Variants in PRRX1 observed in about 807,000 individuals in gnomAD.
PRRX1 encodes paired related homeobox 1, also known as paired mesoderm homeobox protein 1.
PRRX1 carries 8 observed loss-of-function variants against 24.0 expected under a neutral mutation model. The observed-to-expected ratio is 0.33, with a 90% CI of 0.20 to 0.60. PRRX1 has a LOEUF of 0.60. PRRX1 is among the 20% of genes least tolerant of loss of function. The pLI is 0.82. For synonymous variants in PRRX1, 160 were observed against 131.7 expected (o/e 1.22, Z -1.47); for missense variants, 281 against 322.4 (o/e 0.87, Z 0.98).
At chr1:170,686,374 G>C (rs192618936) in intron 1 of PRRX1, among the ~76,000 whole-genome samples, 104 of 152,236 alleles carry the variant, frequency 6.8e-4, no homozygotes, top group East Asian at 3.9e-4. Flanking sequence ...TGGGGCGTAG[G>C]GGAAGCAGAA....
Position 170,731,418 on chromosome 1 carries a change from T to A in PRRX1, c.600-4630T>A, listed in dbSNP as rs541246862. On this transcript the variant is annotated intron_variant, in intron 3 of 3. Transcript: ENST00000239461. ...AAATTGTAAACATCTTGTCATCATT[T>A]GTTCAAAGGGCCAAATAGAAAACAA... Among the ~76,000 whole-genome samples the A allele has an allele frequency of 2.6e-4, 40 of 152,290 alleles. No homozygotes were observed. In the South Asian group the frequency reaches 8.1e-3, roughly 31 times the overall value.
Position 170,727,502 on chromosome 1 carries a change from A to G in PRRX1, c.599+1101A>G, listed in dbSNP as rs557378019. ...TGGTTTAAGGAGAGGTTTTAAATGAAATATAGGAGATTATGTCTCAGATGA... is the reference window on the plus strand; with the variant it reads ...TGGTTTAAGGAGAGGTTTTAAATGAGATATAGGAGATTATGTCTCAGATGA... On this transcript the variant is annotated intron_variant, in intron 3 of 3. Transcript: ENST00000239461. 9.8e-5 allele frequency: 15 copies of G among 152,336 alleles called. No homozygotes were observed. In the East Asian group the frequency reaches 2.9e-3, roughly 29 times the overall value. 9.4% of individuals were successfully genotyped at this position (152,336 alleles called of 1,614,324 possible).
chr1:170,715,169 G>A (rs2101914078), intron 1 of PRRX1, among the ~76,000 whole-genome samples: 1 of 152,072 alleles, frequency 6.6e-6, no homozygotes, highest in East Asian at 1.9e-4. Flanking sequence ...TCCTCTGTGG[G>A]TAAAACTATC....
intron 1 of PRRX1, among the ~76,000 whole-genome samples, chr1:170,706,975 G>T (rs1266440314): frequency 6.6e-6 from 1 of 151,496 alleles, no homozygotes; most frequent in Non-Finnish European, 1.5e-5. Flanking sequence ...GCAAAAAAAA[G>T]ACTGCTGGGC....
At chr1:170,681,896 T>A (rs1390886166) in intron 1 of PRRX1, among the ~76,000 whole-genome samples, 1 of 152,244 alleles carries the variant, frequency 6.6e-6, no homozygotes, top group Non-Finnish European at 1.5e-5. Flanking sequence ...GATTATGTTC[T>A]CTGTTGCTAT....
chr1:170,722,611 AG>A (rs1478213243), intron 2 of PRRX1: 2 of 152,196 alleles, frequency 1.3e-5, no homozygotes, highest in African/African-American at 4.8e-5. Flanking sequence ...CTGGGGGAAA[AG>A]GGAGAGAATT....
intron 2 of PRRX1, among the ~76,000 whole-genome samples, chr1:170,723,774 G>C (rs1374140906): frequency 6.6e-6 from 1 of 152,174 alleles, no homozygotes; most frequent in Non-Finnish European, 1.5e-5. Context: ...TGCACACCTA[G>C]GCTATAGGGT....
At chr1:170,711,757 A>G (rs998639875) in intron 1 of PRRX1, among the ~76,000 whole-genome samples, 10 of 152,222 alleles carry the variant, frequency 6.6e-5, no homozygotes, top group Admixed American at 5.9e-4. Flanking sequence ...GATATGCCTC[A>G]TCCTCAGCTC....
rs1558050433 is a variant in PRRX1 at position 170,691,500 on chromosome 1, C to CCTTTCCTTTCCTT, written c.241+27043_241+27055dup. On this transcript the variant is annotated intron_variant, in intron 1 of 3. Transcript: ENST00000239461. ...CCTTTCCTTTCCTTTCCTTTCCTTT[C>CCTTTCCTTTCCTT]CTTTCCTTTCCTTCCTTCTTCCCTC... 5.4e-4 allele frequency among the ~76,000 whole-genome samples: 78 copies of CCTTTCCTTTCCTT among 144,440 alleles called. 1 individual carries two copies. Among genetic ancestry groups the CCTTTCCTTTCCTT allele is most frequent in the African/African-American group, 1.9e-3 (75 of 39,048 alleles). The allele number at this position is 144,440 out of a possible 152,430, so 94.8% of individuals were successfully genotyped here. A position where few individuals can be genotyped will look rare whatever the true frequency, so the allele number is the denominator to read the frequency against.
chr1:170,703,770 T>C (rs1287328523), intron 1 of PRRX1, among the ~76,000 whole-genome samples: 1 of 152,196 alleles, frequency 6.6e-6, no homozygotes, highest in Non-Finnish European at 1.5e-5. Context: ...TGAAAGACAG[T>C]GAGTGACAGG....
chr1:170,711,297 A>G (rs1002778832), intron 1 of PRRX1, among the ~76,000 whole-genome samples: 19 of 152,192 alleles, frequency 1.2e-4, no homozygotes, highest in African/African-American at 4.1e-4. Context: ...TGTGATGGAA[A>G]GCTAATTCTC....
chr1:170,720,601 C>T (rs1048570988), intron 2 of PRRX1, among the ~76,000 whole-genome samples: 6 of 152,182 alleles, frequency 3.9e-5, no homozygotes, highest in Non-Finnish European at 8.8e-5. Context: ...GATGAATTCT[C>T]TGTCCCCTAC....
chr1:170,676,106 A>C (rs1653311711), intron 1 of PRRX1, among the ~76,000 whole-genome samples: 1 of 152,176 alleles, frequency 6.6e-6, no homozygotes, highest in Non-Finnish European at 1.5e-5. Context: ...ACATTTAAGA[A>C]ATAAAATATA....
rs1184957216 is a variant in PRRX1, at chr1:170,736,916, C to T, written c.*730C>T. On this transcript the variant is annotated 3_prime_UTR_variant, in exon 4 of 4. Transcript: ENST00000239461. ...AAGCTACAGATTATATCACTATCAC[C>T]ACCACCCCTCACCCTATGCAATCAA... 2 of 199,142 alleles carry T rather than the reference C, an allele frequency of 1.0e-5. No homozygotes were observed. The highest frequency in any genetic ancestry group is 2.1e-5 in the Non-Finnish European group (2 of 96,122). 12.3% of individuals were successfully genotyped at this position (199,142 alleles called of 1,614,324 possible).
At chr1:170,716,323 G>A (rs1332651281) in intron 1 of PRRX1, among the ~76,000 whole-genome samples, 1 of 152,180 alleles carries the variant, frequency 6.6e-6, no homozygotes, top group Non-Finnish European at 1.5e-5. Context: ...AGTGGCTCAC[G>A]CCTGTAATCC....
At chr1:170,730,307 C>A (rs148572157) in intron 3 of PRRX1, 1 of 1,612,414 alleles carries the variant, frequency 6.2e-7, no homozygotes. Flanking sequence ...GTTGTTTACA[C>A]GAGGGGCTTC....
intron 1 of PRRX1, among the ~76,000 whole-genome samples, chr1:170,666,650 T>C (rs1293727905): frequency 6.6e-6 from 1 of 151,880 alleles, no homozygotes; most frequent in African/African-American, 2.4e-5. Flanking sequence ...CTTTGCCCTA[T>C]GAGGAGGCTG....
chr1:170,675,617 T>C (rs1653295108), intron 1 of PRRX1, among the ~76,000 whole-genome samples: 1 of 152,142 alleles, frequency 6.6e-6, no homozygotes, highest in East Asian at 1.9e-4. Context: ...GAAGCAATTA[T>C]TAAAAATTAA....
At chr1:170,713,488 G>GA (rs1654810330) in intron 1 of PRRX1, among the ~76,000 whole-genome samples, 2 of 152,276 alleles carry the variant, frequency 1.3e-5, no homozygotes, top group Admixed American at 1.3e-4. Context: ...CTATAGAGGT[G>GA]AAAAGAAATA....
Sources: allele counts gnomAD v4.1 joint callset (sites outside exome capture counted in the v4.1 genomes callset), GRCh38; gene constraint gnomAD v4.1.1; transcripts MANE v1.5; gene names NCBI Gene and HGNC (gene_info 2026-07-23, HGNC 2026-07-21).